The following CD96 variants were observed in gnomAD, a reference collection of about 807,000 sequenced individuals.
CD96 encodes T-cell surface protein tactile.
Under a neutral mutation model 71.3 loss-of-function variants are expected in CD96, and 70 were observed. That is an observed-to-expected ratio of 0.98 (90% confidence interval 0.81 to 1.20). CD96 has a LOEUF of 1.20. CD96 is among the 50% of genes most tolerant of loss of function. The probability of loss-of-function intolerance (pLI) is 0.00; values close to 1 mark genes in which losing one functional copy is unlikely to be tolerated. For synonymous variants in CD96, 248 were observed against 233.0 expected (o/e 1.06, Z -0.59); for missense variants, 742 against 677.5 (o/e 1.10, Z -1.06).
At chr3:111,619,105 G>A (rs1487988229) in intron 8 of CD96, among the ~76,000 whole-genome samples, 1 of 152,180 alleles carries the variant, frequency 6.6e-6, no homozygotes, top group Non-Finnish European at 1.5e-5. Context: ...ACTGGCAAGA[G>A]TATAGGTTAA....
intron 12 of CD96, among the ~76,000 whole-genome samples, chr3:111,645,941 T>A (rs1939807670): frequency 6.6e-6 from 1 of 152,164 alleles, no homozygotes. Context: ...ACAGAAAAGA[T>A]GTGATAACTA....
chr3:111,558,867 T>A (rs1398364389), intron 2 of CD96, among the ~76,000 whole-genome samples: 1 of 151,708 alleles, frequency 6.6e-6, no homozygotes, highest in African/African-American at 2.4e-5. Flanking sequence ...AACTATTGAC[T>A]ATTGCCACAA....
At chr3:111,638,290 T>TA in intron 12 of CD96, 122 bp downstream of exon 12, 1 of 746,380 alleles carries the variant, frequency 1.3e-6, no homozygotes, top group Non-Finnish European at 2.5e-6. Flanking sequence ...CACACTGGCT[T>TA]TTTGAAGATT....
intron 8 of CD96, among the ~76,000 whole-genome samples, chr3:111,616,317 A>G (rs143469738): frequency 2.0e-5 from 3 of 152,224 alleles, no homozygotes; most frequent in African/African-American, 7.2e-5. Flanking sequence ...TATAAAAAAG[A>G]AGAGATTAAC....
intron 10 of CD96, among the ~76,000 whole-genome samples, chr3:111,630,379 C>A (rs1227068105): frequency 6.6e-6 from 1 of 152,110 alleles, no homozygotes; most frequent in Admixed American, 6.6e-5. Context: ...AGTATAAACA[C>A]CTCTCTGCAA....
At chr3:111,560,348 A>G (rs1414201738) in intron 2 of CD96, among the ~76,000 whole-genome samples, 5 of 151,700 alleles carry the variant, frequency 3.3e-5, no homozygotes, top group South Asian at 2.1e-4. Flanking sequence ...AGCTGGTACC[A>G]GTTGTTCCTT....
intron 12 of CD96, 138 bp downstream of exon 12, chr3:111,638,306 C>A: frequency 1.4e-6 from 1 of 720,390 alleles, no homozygotes. Context: ...AGATTATAAT[C>A]TATTAGTGAT....
At chr3:111,637,900 A>C (rs999889498) in intron 11 of CD96, among the ~76,000 whole-genome samples, 179 bp from the exon 12 acceptor site, 3 of 151,942 alleles carry the variant, frequency 2.0e-5, no homozygotes, top group Non-Finnish European at 2.9e-5. Context: ...TGTTAGACAA[A>C]TCTCAGGATC....
intron 14 of CD96, among the ~76,000 whole-genome samples, chr3:111,661,154 G>A (rs1196995140): frequency 6.6e-6 from 1 of 152,084 alleles, no homozygotes; most frequent in Non-Finnish European, 1.5e-5. Context: ...CAGAGTGAAG[G>A]GGAAAGTGCT....
intron 2 of CD96, among the ~76,000 whole-genome samples, chr3:111,548,894 G>C (rs563613952): frequency 5.9e-5 from 9 of 152,230 alleles, no homozygotes; most frequent in African/African-American, 2.2e-4. Flanking sequence ...GTGTTTTTGA[G>C]TGCTTACAGT....
intron 1 of CD96, 88 bp from the exon 2 acceptor site, chr3:111,544,958 C>T: frequency 8.9e-7 from 1 of 1,120,058 alleles, no homozygotes; most frequent in Non-Finnish European, 1.4e-6. Context: ...AGTTGCTCCC[C>T]TCACCTTACT....
chr3:111,665,697 C>T (rs973400185), exon 15 of CD96: 3 of 152,258 alleles, frequency 2.0e-5, no homozygotes, highest in Non-Finnish European at 4.4e-5. Context: ...AAGAAAGAGA[C>T]TTTCATTCCT....
At chr3:111,616,061 G>C (rs1462259783) in intron 8 of CD96, among the ~76,000 whole-genome samples, 2 of 151,910 alleles carry the variant, frequency 1.3e-5, no homozygotes, top group African/African-American at 4.8e-5. Flanking sequence ...AATTGCAGCT[G>C]CCTCCCACCC....
At chr3:111,586,237 T>C (rs1480316413) in intron 5 of CD96, among the ~76,000 whole-genome samples, 1 of 152,156 alleles carries the variant, frequency 6.6e-6, no homozygotes, top group Non-Finnish European at 1.5e-5. Flanking sequence ...AAACCCTAAG[T>C]AAAAAATATA....
At chr3:111,589,236 C>T (rs1936861254) in intron 5 of CD96, among the ~76,000 whole-genome samples, 1 of 152,168 alleles carries the variant, frequency 6.6e-6, no homozygotes, top group African/African-American at 2.4e-5. Context: ...AGGCATGAGC[C>T]ACCATGCCCG....
chr3:111,596,141 G>A (rs983585879), intron 5 of CD96, among the ~76,000 whole-genome samples: 2 of 149,574 alleles, frequency 1.3e-5, no homozygotes, highest in Non-Finnish European at 3.0e-5. Context: ...CAGCCTGGGC[G>A]ACAGAGGGAG....
At chr3:111,599,479 G>A (rs115818438) in intron 6 of CD96, among the ~76,000 whole-genome samples, 1,663 of 152,160 alleles carry the variant, frequency 0.011, 34 homozygotes, top group African/African-American at 0.036. Flanking sequence ...CAGCACTTTG[G>A]GAGGCCGAAG....
intron 3 of CD96, among the ~76,000 whole-genome samples, chr3:111,575,861 C>T (rs1339730439): frequency 6.6e-6 from 1 of 152,178 alleles, no homozygotes; most frequent in East Asian, 1.9e-4. Flanking sequence ...AGGGCAGAGC[C>T]CTTTGGATCT....
intron 5 of CD96, among the ~76,000 whole-genome samples, chr3:111,588,066 C>T (rs938303312): frequency 6.6e-6 from 1 of 152,218 alleles, no homozygotes; most frequent in African/African-American, 2.4e-5. Context: ...TTTCTGCAGC[C>T]AGCTTGATTT....
Sources: allele counts gnomAD v4.1 joint callset (sites outside exome capture counted in the v4.1 genomes callset), GRCh38; gene constraint gnomAD v4.1.1; transcripts MANE v1.5; gene names NCBI Gene and HGNC (gene_info 2026-07-23, HGNC 2026-07-21).